Variants in KIAA1549L observed in about 807,000 individuals in gnomAD.
The protein encoded by KIAA1549L is KIAA1549 like, also known as UPF0606 protein KIAA1549L.
Under a neutral mutation model 160.7 loss-of-function variants are expected in KIAA1549L, and 88 were observed. That is an observed-to-expected ratio of 0.55 (90% CI 0.46 to 0.65). The LOEUF is 0.65. Ranked by LOEUF, KIAA1549L falls within the 30% of genes least tolerant of loss-of-function variation. KIAA1549L has a pLI of 0.00. For synonymous variants in KIAA1549L, 950 were observed against 976.7 expected (o/e 0.97, Z 0.51); for missense variants, 2,258 against 2,437.5 (o/e 0.93, Z 1.55).
At chr11:33,400,582 C>A (rs1850479286) in intron 1 of KIAA1549L, among the ~76,000 whole-genome samples, 1 of 152,198 alleles carries the variant, frequency 6.6e-6, no homozygotes, top group African/African-American at 2.4e-5. Context: ...GCAACAGAAT[C>A]TTTTAAAGCA....
chr11:33,562,678 C>G (rs1334938831), intron 8 of KIAA1549L, among the ~76,000 whole-genome samples: 1 of 134,038 alleles, frequency 7.5e-6, no homozygotes, highest in South Asian at 2.4e-4. Flanking sequence ...TTCATTTCCT[C>G]TTTTTTTTTT....
chr11:33,573,883 T>C (rs1855356140), intron 9 of KIAA1549L, among the ~76,000 whole-genome samples: 1 of 152,156 alleles, frequency 6.6e-6, no homozygotes. Flanking sequence ...TCTAAATGCT[T>C]AATAAAGGAT....
chr11:33,606,805 G>T lies in KIAA1549L; in HGVS notation c.5044G>T (p.Ala1682Ser). 1 of 1,609,952 alleles carries T rather than the reference G, an allele frequency of 6.2e-7. No individual in the cohort carries two copies. The highest frequency in any genetic ancestry group is 8.5e-7 in the Non-Finnish European group (1 of 1,178,090). Residue 1682 changes from alanine to serine, a missense_variant, in exon 14 of 21, where the codon GCA becomes TCA. Around this residue, in one of 6 missense-constraint regions of KIAA1549L, gnomAD observed 1,359 missense variants for 1,546.6 expected, o/e 0.88. Transcript: ENST00000658780. ...CTCGGACAGGAGCCAGGAGTCATCG[G>T]CAGTCCTCAACGGCGAGGTAAGTGC... is the stretch of plus-strand genomic sequence containing the variant. ...PTSDRSQESS[A>S]VLNGEVNKAL...
chr11:33,390,757 T>C (rs1401990390), intron 1 of KIAA1549L, among the ~76,000 whole-genome samples: 1 of 152,214 alleles, frequency 6.6e-6, no homozygotes. Context: ...GTAAGCTTGT[T>C]CTATGGAAGA....
chr11:33,405,361 A>G (rs1246604907), intron 1 of KIAA1549L, among the ~76,000 whole-genome samples: 1 of 152,216 alleles, frequency 6.6e-6, no homozygotes, highest in Non-Finnish European at 1.5e-5. Flanking sequence ...CAAAAAAGAC[A>G]TTACAGAATG....
intron 16 of KIAA1549L, among the ~76,000 whole-genome samples, chr11:33,622,840 G>A (rs929474489): frequency 2.6e-5 from 4 of 152,284 alleles, no homozygotes; most frequent in East Asian, 1.9e-4. Context: ...AAATGAGCCC[G>A]TTTCTCAGAG....
Position 33,668,398 on chromosome 11 carries a change from G to A in KIAA1549L, c.*244G>A. 1.8e-6 allele frequency: 1 copy of A among 548,712 alleles called. No individual in the cohort carries two copies. Among genetic ancestry groups the A allele is most frequent in the Non-Finnish European group, 3.2e-6 (1 of 308,212 alleles). The allele number at this position is 548,712 out of a possible 1,614,324, so 34.0% of individuals were successfully genotyped here. A position where few individuals can be genotyped will look rare whatever the true frequency, so the allele number is the denominator to read the frequency against. On this transcript the variant is annotated 3_prime_UTR_variant, in exon 21 of 21. Coordinates refer to ENST00000658780, the MANE Select transcript of KIAA1549L (RefSeq NM_012194.3). ...GGCCTTATGTTTGATACTCTCTCATGTCAAATGTTTGAACTTTGGGCATGT... is the reference window on the plus strand; with the variant it reads ...GGCCTTATGTTTGATACTCTCTCATATCAAATGTTTGAACTTTGGGCATGT...
At chr11:33,662,794 A>C (rs1590463114) in intron 20 of KIAA1549L, among the ~76,000 whole-genome samples, 2 of 152,248 alleles carry the variant, frequency 1.3e-5, no homozygotes, top group Non-Finnish European at 2.9e-5. Context: ...TTATAACTAC[A>C]TCTAGATGCC....
chr11:33,411,063 C>T (rs2134086993), intron 1 of KIAA1549L, among the ~76,000 whole-genome samples: 1 of 152,174 alleles, frequency 6.6e-6, no homozygotes, highest in South Asian at 2.1e-4. Context: ...TAAGGGCTTC[C>T]CAGTGGAGTG....
At chr11:33,630,374 C>T (rs1851246828) in intron 16 of KIAA1549L, among the ~76,000 whole-genome samples, 1 of 152,256 alleles carries the variant, frequency 6.6e-6, no homozygotes, top group Admixed American at 6.5e-5. Flanking sequence ...CGCCCCTCCC[C>T]CAGCCTCGCT....
At chr11:33,499,509 A>G (rs1163611632) in intron 1 of KIAA1549L, among the ~76,000 whole-genome samples, 1 of 152,186 alleles carries the variant, frequency 6.6e-6, no homozygotes, top group Non-Finnish European at 1.5e-5. Context: ...CTTGGCACAG[A>G]ATAGGTGTTC....
chr11:33,671,374 A>G lies in KIAA1549L; in HGVS notation c.*3220A>G, dbSNP rs1372152872. ...AGGTCCATTGTGTGGCTTGAGACCT[A>G]TGATCTGAGGCTTGTGCATAATAAG... On this transcript the variant is annotated 3_prime_UTR_variant, in exon 21 of 21. Coordinates refer to ENST00000658780, the MANE Select transcript of KIAA1549L (RefSeq NM_012194.3). The G allele has an allele frequency of 2.6e-5, 4 of 152,190 alleles. No individual in the cohort carries two copies. The highest frequency in any genetic ancestry group is 7.2e-5 in the African/African-American group (3 of 41,432). 9.4% of individuals were successfully genotyped at this position (152,190 alleles called of 1,614,324 possible). A position where few individuals can be genotyped will look rare whatever the true frequency, so the allele number is the denominator to read the frequency against.
Position 33,646,036 on chromosome 11 carries a change from G to T in KIAA1549L, c.5760G>T (p.Pro1920=). 1.9e-6 allele frequency: 3 copies of T among 1,551,168 alleles called. No individual in the cohort carries two copies. The highest frequency in any genetic ancestry group is 2.6e-6 in the Non-Finnish European group (3 of 1,146,122). Residue 1920 remains proline (P), a splice_region_variant and synonymous_variant, in exon 17 of 21, where the codon CCG becomes CCT. Coordinates refer to ENST00000658780, the MANE Select transcript of KIAA1549L (RefSeq NM_012194.3). ...TGTATCAGTACAGTCTGCCCCGGCC[G>T]GTAAGTCATTCATTCCACCCACCTG... ...PEMYQYSLPR[P]AYRFSQLPEM... is the part of the protein sequence containing the mutation.
At chr11:33,485,315 A>T (rs1187694254) in intron 1 of KIAA1549L, among the ~76,000 whole-genome samples, 2 of 152,130 alleles carry the variant, frequency 1.3e-5, no homozygotes, top group East Asian at 1.9e-4. Context: ...ATTTTCTCTC[A>T]TGCCTAGCTA....
intron 1 of KIAA1549L, among the ~76,000 whole-genome samples, chr11:33,526,917 A>G (rs1853626634): frequency 6.6e-6 from 1 of 152,196 alleles, no homozygotes; most frequent in African/African-American, 2.4e-5. Flanking sequence ...AATAGAGGAT[A>G]TGGATGAAAA....
chr11:33,461,054 G>A (rs1851931321), intron 1 of KIAA1549L, among the ~76,000 whole-genome samples: 2 of 151,918 alleles, frequency 1.3e-5, no homozygotes, highest in Non-Finnish European at 1.5e-5. Context: ...TAGGTAAAAA[G>A]CATTAAAATT....
chr11:33,533,500 A>G (rs1853824318), intron 1 of KIAA1549L, among the ~76,000 whole-genome samples: 1 of 152,222 alleles, frequency 6.6e-6, no homozygotes. Flanking sequence ...CATTCATGGG[A>G]TTCTATGCAA....
intron 15 of KIAA1549L, among the ~76,000 whole-genome samples, chr11:33,612,865 T>C (rs1198884218): frequency 6.6e-6 from 1 of 152,232 alleles, no homozygotes; most frequent in African/African-American, 2.4e-5. Context: ...TTTGGTTTTC[T>C]GTTCCTGTAT....
At chr11:33,614,531 G>GATATAT (rs780446812) in intron 15 of KIAA1549L, among the ~76,000 whole-genome samples, 3 of 27,112 alleles carry the variant, frequency 1.1e-4, no homozygotes, top group Non-Finnish European at 2.0e-4. Context: ...AGTGTAACAA[G>GATATAT]ATATATATAT....
Sources: allele counts gnomAD v4.1 joint callset (sites outside exome capture counted in the v4.1 genomes callset), GRCh38; gene constraint gnomAD v4.1.1; regional missense constraint gnomAD v4.1.1; transcripts MANE v1.5; gene names NCBI Gene and HGNC (gene_info 2026-07-23, HGNC 2026-07-21).